Variants in RABGAP1L observed in about 807,000 individuals in gnomAD.
RABGAP1L encodes the protein RAB GTPase activating protein 1 like.
RABGAP1L carries 63 observed loss-of-function variants against 137.7 expected under a neutral mutation model. The ratio of observed to expected loss-of-function variants is 0.46; its 90% confidence interval spans 0.37 to 0.56. The LOEUF is 0.56. RABGAP1L is among the 20% of genes least tolerant of loss of function. The pLI, the probability that RABGAP1L is intolerant of heterozygous loss-of-function variation, is 0.00. For synonymous variants in RABGAP1L, 431 were observed against 433.7 expected, an observed-to-expected ratio of 0.99 and a Z score of 0.08; for missense variants, 1,095 against 1,244.0, an observed-to-expected ratio of 0.88 and a Z score of 1.80.
intron 19 of RABGAP1L, among the ~76,000 whole-genome samples, chr1:174,907,076 TA>T (rs34716998): frequency 0.16 from 24,175 of 147,654 alleles, 2,575 homozygotes; most frequent in Non-Finnish European, 0.24. Context: ...ACTAATGGGT[TA>T]AAAAAAAAAA....
At chr1:174,456,801 G>A (rs1284422409) in intron 13 of RABGAP1L, among the ~76,000 whole-genome samples, 2 of 152,066 alleles carry the variant, frequency 1.3e-5, no homozygotes, top group Non-Finnish European at 2.9e-5. Context: ...TATTTGAAAA[G>A]TTTATTCTCT....
chr1:174,959,165 T>C (rs1254259187), intron 20 of RABGAP1L, among the ~76,000 whole-genome samples: 1 of 152,210 alleles, frequency 6.6e-6, no homozygotes, highest in African/African-American at 2.4e-5. Context: ...TATTAACAGA[T>C]AATGTTTGAA....
At chr1:174,285,176 C>T (rs1675946018) in intron 10 of RABGAP1L, among the ~76,000 whole-genome samples, 1 of 152,070 alleles carries the variant, frequency 6.6e-6, no homozygotes, top group East Asian at 1.9e-4. Context: ...GCCACCACGC[C>T]CGGCTAATTT....
At chr1:174,254,602 C>T (rs888766689) in intron 7 of RABGAP1L, among the ~76,000 whole-genome samples, 1 of 152,108 alleles carries the variant, frequency 6.6e-6, no homozygotes, top group Non-Finnish European at 1.5e-5. Context: ...GTTTTTTGTT[C>T]CTGTGTTAGT....
At chr1:174,430,232 A>G (rs1311142883) in intron 13 of RABGAP1L, among the ~76,000 whole-genome samples, 1 of 151,978 alleles carries the variant, frequency 6.6e-6, no homozygotes, top group Non-Finnish European at 1.5e-5. Flanking sequence ...AAATACAGAA[A>G]TTAGCCGGGT....
chr1:174,825,008 A>T (rs1049567522), intron 19 of RABGAP1L, among the ~76,000 whole-genome samples: 3 of 152,224 alleles, frequency 2.0e-5, no homozygotes, highest in South Asian at 2.1e-4. Flanking sequence ...TCAAATGGGC[A>T]TTCTTTTCTC....
At chr1:174,259,714 T>C (rs983197621) in intron 7 of RABGAP1L, among the ~76,000 whole-genome samples, 3 of 152,258 alleles carry the variant, frequency 2.0e-5, no homozygotes, top group African/African-American at 7.2e-5. Flanking sequence ...CATATTAAGC[T>C]TTATTTAATA....
At chr1:174,644,915 C>T (rs111632465) in intron 14 of RABGAP1L, among the ~76,000 whole-genome samples, 6 of 152,220 alleles carry the variant, frequency 3.9e-5, no homozygotes, top group African/African-American at 1.4e-4. Context: ...CTTAGTTGTC[C>T]ATCTCCCTTA....
intron 13 of RABGAP1L, chr1:174,545,130 G>T (rs769835662): frequency 6.6e-6 from 1 of 152,572 alleles, no homozygotes; most frequent in Non-Finnish European, 1.5e-5. Flanking sequence ...TCTCTTCAAA[G>T]CTGTCAGACA....
At chr1:174,926,643 T>A (rs1055836429) in intron 19 of RABGAP1L, among the ~76,000 whole-genome samples, 1 of 152,070 alleles carries the variant, frequency 6.6e-6, no homozygotes, top group Non-Finnish European at 1.5e-5. Context: ...TTTTATTGTT[T>A]TATCAATATG....
intron 1 of RABGAP1L, among the ~76,000 whole-genome samples, chr1:174,192,377 G>A (rs1667276751): frequency 6.9e-6 from 1 of 145,008 alleles, no homozygotes; most frequent in African/African-American, 2.6e-5. Flanking sequence ...AGCCTGGAGT[G>A]CAGTGGCATG....
chr1:174,913,854 T>C (rs184528217), intron 19 of RABGAP1L, among the ~76,000 whole-genome samples: 147 of 152,278 alleles, frequency 9.7e-4, no homozygotes, highest in African/African-American at 3.2e-3. Flanking sequence ...TTTCAGAAAA[T>C]AGATCTTAAC....
intron 13 of RABGAP1L, among the ~76,000 whole-genome samples, chr1:174,533,443 T>C (rs949630847): frequency 1.3e-5 from 2 of 152,164 alleles, no homozygotes; most frequent in African/African-American, 4.8e-5. Flanking sequence ...CTTTTACCTC[T>C]GCCACCCCTG....
chr1:174,279,325 T>C (rs1428954977), intron 10 of RABGAP1L, among the ~76,000 whole-genome samples: 2 of 152,168 alleles, frequency 1.3e-5, no homozygotes, highest in Admixed American at 6.5e-5. Flanking sequence ...TATGTAACTT[T>C]TGTATTATAG....
intron 18 of RABGAP1L, among the ~76,000 whole-genome samples, chr1:174,795,161 G>A (rs1343154059): frequency 6.6e-6 from 1 of 151,834 alleles, no homozygotes; most frequent in African/African-American, 2.4e-5. Flanking sequence ...TCTCTTATTG[G>A]GTATGAAAGG....
At chr1:174,169,949 A>G (rs549870451) in intron 1 of RABGAP1L, among the ~76,000 whole-genome samples, 1 of 152,310 alleles carries the variant, frequency 6.6e-6, no homozygotes. Flanking sequence ...CCTTCCAAGC[A>G]TTGGAATTAC....
intron 18 of RABGAP1L, among the ~76,000 whole-genome samples, chr1:174,767,303 G>C (rs1356894723): frequency 6.6e-6 from 1 of 152,106 alleles, no homozygotes; most frequent in Non-Finnish European, 1.5e-5. Flanking sequence ...TAACAATATT[G>C]AGACTTTTGA....
chr1:174,937,092 C>A (rs1206911038), intron 19 of RABGAP1L, among the ~76,000 whole-genome samples: 1 of 141,038 alleles, frequency 7.1e-6, no homozygotes, highest in Non-Finnish European at 1.5e-5. Context: ...GATTCTTCTG[C>A]CTCAGCCTCC....
At chr1:174,369,476 A>G (rs2148993998) in intron 11 of RABGAP1L, among the ~76,000 whole-genome samples, 1 of 152,270 alleles carries the variant, frequency 6.6e-6, no homozygotes, top group South Asian at 2.1e-4. Flanking sequence ...GAGCCACTGC[A>G]CTTGACCAAG....
Sources: gnomAD v4.1 joint callset for allele counts (sites outside exome capture counted in the v4.1 genomes callset) on GRCh38, gnomAD v4.1.1 for gene constraint, MANE v1.5 for transcripts, NCBI Gene and HGNC (gene_info 2026-07-23, HGNC 2026-07-21) for gene names.